The following PPFIA1 variants were observed in gnomAD, a reference collection of about 807,000 sequenced individuals.
PPFIA1 encodes liprin-alpha-1.
Under a neutral mutation model 149.9 loss-of-function variants are expected in PPFIA1, and 25 were observed. The ratio of observed to expected loss-of-function variants is 0.17; its 90% CI spans 0.12 to 0.23. The LOEUF is 0.23. Among genes scored for constraint, PPFIA1 ranks in the 10% least tolerant of loss-of-function variants. PPFIA1 has a pLI of 1.00. For synonymous variants in PPFIA1, 549 were observed against 552.8 expected, an observed-to-expected ratio of 0.99 and a Z score of 0.10; for missense variants, 1,362 against 1,506.5, an observed-to-expected ratio of 0.90 and a Z score of 1.59.
At chr11:70,305,722 T>C (rs921757674) in intron 2 of PPFIA1, among the ~76,000 whole-genome samples, 12 of 152,208 alleles carry the variant, frequency 7.9e-5, no homozygotes, top group African/African-American at 1.2e-4. Context: ...CACAGTTGAC[T>C]AATTTACATT....
At chr11:70,380,430 A>G (rs191434528) in intron 26 of PPFIA1, among the ~76,000 whole-genome samples, 80 of 151,240 alleles carry the variant, frequency 5.3e-4, no homozygotes, top group Non-Finnish European at 7.5e-4. Context: ...AAAAAAAATT[A>G]GCTGGGCACG....
rs188373035 is a variant in PPFIA1 at position 70,310,533 on chromosome 11, G to A, written c.265-13869G>A. ...CCCGAGTAGCTGGGACTACAGGTGC[G>A]CGCCACCACGCCCAGTTAATTTTGG... On this transcript the variant is annotated intron_variant, in intron 2 of 27. Transcript: ENST00000253925. Among the ~76,000 whole-genome samples the A allele has an allele frequency of 2.1e-3, 313 of 151,932 alleles. 1 individual carries two copies. Among genetic ancestry groups the A allele is most frequent in the African/African-American group, 7.0e-3 (290 of 41,446 alleles).
At chr11:70,325,607 G>A (rs774615111) in intron 5 of PPFIA1, 33 bp downstream of exon 5, 18 of 1,438,848 alleles carry the variant, frequency 1.3e-5, no homozygotes, top group Admixed American at 1.0e-4. Context: ...AGTTGAATTG[G>A]GGGGGGGTTA....
At chr11:70,278,524 C>T (rs1327023427) in intron 2 of PPFIA1, among the ~76,000 whole-genome samples, 2 of 152,064 alleles carry the variant, frequency 1.3e-5, no homozygotes, top group Admixed American at 1.3e-4. Context: ...CCTCTGGTTG[C>T]TTTTTATTTT....
Position 70,384,160 on chromosome 11 carries a change from A to ACTTTT in PPFIA1, c.*1170_*1171insCTTTT, listed in dbSNP as rs2057801544. 1 of 152,234 alleles carries ACTTTT rather than the reference A, an allele frequency of 6.6e-6. No individual in the cohort carries two copies. The highest frequency in any genetic ancestry group is 1.9e-4 in the East Asian group (1 of 5,204). The allele number at this position is 152,234 out of a possible 1,614,324, so 9.4% of individuals were successfully genotyped here. On this transcript the variant is annotated 3_prime_UTR_variant, in exon 28 of 28. Transcript: ENST00000253925. ...ACAAGCCAGCAAAGTGTGTCAGACC[A>ACTTTT]TGGCGTGGTATTTATTGTGCAGCAG...
At position 70,298,250 on chromosome 11, in the gene PPFIA1, T is replaced by A. The variant is rs528688749; in HGVS notation, c.264+25814T>A. 4.3e-4 allele frequency among the ~76,000 whole-genome samples: 66 copies of A among 152,320 alleles called. 1 individual carries two copies. In the South Asian group the frequency reaches 0.013, roughly 31 times the overall value. The stretch of plus-strand genomic sequence containing the variant: ...TCATAAACAAGAAATATTGCCTTTT[T>A]GGTTGTGTGTAGTGGGGTGCTGAGC... On this transcript the variant is annotated intron_variant, in intron 2 of 27. Transcript: ENST00000253925.
At chr11:70,376,716 C>A in intron 25 of PPFIA1, 116 bp downstream of exon 25, 1 of 909,898 alleles carries the variant, frequency 1.1e-6, no homozygotes, top group Non-Finnish European at 1.8e-6. Flanking sequence ...GCTAGGCAGT[C>A]TCTCTGGATG....
chr11:70,355,956 C>A, intron 18 of PPFIA1, 145 bp downstream of exon 18: 1 of 1,158,524 alleles, frequency 8.6e-7, no homozygotes, highest in Non-Finnish European at 1.2e-6. Flanking sequence ...AGCTAGAGAG[C>A]AGCAGTTTAT....
chr11:70,379,823 ATTAT>A (rs1229133336), intron 26 of PPFIA1, among the ~76,000 whole-genome samples: 8 of 152,186 alleles, frequency 5.3e-5, no homozygotes, highest in African/African-American at 1.9e-4. Context: ...AAAAAGCTGT[ATTAT>A]TTATTTATTG....
intron 2 of PPFIA1, among the ~76,000 whole-genome samples, chr11:70,305,911 A>AAT (rs1374645677): frequency 6.6e-6 from 1 of 152,236 alleles, no homozygotes; most frequent in African/African-American, 2.4e-5. Context: ...ACTGTTAGGT[A>AAT]ATAGGGTATT....
At chr11:70,308,224 T>G (rs1000929361) in intron 2 of PPFIA1, among the ~76,000 whole-genome samples, 2 of 152,200 alleles carry the variant, frequency 1.3e-5, no homozygotes, top group African/African-American at 4.8e-5. Flanking sequence ...AATTTTGTAT[T>G]TTTAGCAGAG....
At chr11:70,305,065 T>C (rs1223915711) in intron 2 of PPFIA1, among the ~76,000 whole-genome samples, 2 of 152,046 alleles carry the variant, frequency 1.3e-5, no homozygotes, top group East Asian at 3.9e-4. Context: ...TGGTGGCAGT[T>C]TGTGAGTGAC....
At chr11:70,341,518 G>A (rs1472202181) in intron 14 of PPFIA1, among the ~76,000 whole-genome samples, 1 of 152,186 alleles carries the variant, frequency 6.6e-6, no homozygotes, top group Non-Finnish European at 1.5e-5. Context: ...TTGAGCCAGG[G>A]CCATGTTCAG....
In PPFIA1 at chr11:70,378,164, C is replaced by G; in HGVS notation, c.3519C>G (p.Pro1173=). 1.2e-6 allele frequency: 2 copies of G among 1,614,150 alleles called. No individual in the cohort carries two copies. Among genetic ancestry groups the G allele is most frequent in the Non-Finnish European group, 1.7e-6 (2 of 1,180,024 alleles). ...NFRVTSSMSS[P]SMQPKKMQMD... The stretch of plus-strand genomic sequence containing the variant: ...GGGTGACTTCTTCTATGTCTTCCCC[C>G]TCTATGCAGCCAAAGAAGATGCAGA... The change falls in exon 26 of 28, where the codon CCC becomes CCG. Residue 1173 remains proline (P), a synonymous_variant. Transcript: ENST00000253925.
chr11:70,362,502 C>T lies in PPFIA1; in HGVS notation c.2865+14C>T. 1.3e-6 allele frequency: 2 copies of T among 1,573,252 alleles called. No individual in the cohort carries two copies. Among genetic ancestry groups the T allele is most frequent in the East Asian group, 2.3e-5 (1 of 44,440 alleles). Reference sequence around the variant, plus strand: ...ACATCTAGAACGGTACGTTCAGAGACAACCCCTGCATTCTTTGGAAACAGG... The same window carrying T: ...ACATCTAGAACGGTACGTTCAGAGATAACCCCTGCATTCTTTGGAAACAGG... On this transcript the variant is annotated intron_variant, in intron 21 of 27. Coordinates refer to ENST00000253925, the MANE Select transcript of PPFIA1 (RefSeq NM_003626.5).
At chr11:70,334,634 T>C (rs904312878) in intron 10 of PPFIA1, 2 of 152,254 alleles carry the variant, frequency 1.3e-5, no homozygotes, top group Non-Finnish European at 2.9e-5. Context: ...CCCTTTCAGG[T>C]AATGATAGTT....
rs549556211 is a variant in PPFIA1, at chr11:70,279,959, A to G, written c.264+7523A>G. ...GGTCTCGCTCTGTTGCCCAGGCTGT[A>G]GTGTAGTGGTGCAGTCTCAGCTCAC... On this transcript the variant is annotated intron_variant, in intron 2 of 27. Transcript: ENST00000253925. 4.6e-4 allele frequency among the ~76,000 whole-genome samples: 65 copies of G among 140,834 alleles called. 1 individual carries two copies. The South Asian group carries it at 0.013, about 29-fold the overall frequency. The allele number at this position is 140,834 out of a possible 152,430, so 92.4% of individuals were successfully genotyped here. A position where few individuals can be genotyped will look rare whatever the true frequency, so the allele number is the denominator to read the frequency against.
In PPFIA1 at chr11:70,338,424, G is replaced by A. The variant is rs773480881; in HGVS notation, c.1542G>A (p.Met514Ile). Residue 514 changes from methionine (M) to isoleucine (I), a missense_variant, in exon 13 of 28, where the codon ATG becomes ATA. Coordinates refer to ENST00000253925, the MANE Select transcript of PPFIA1 (RefSeq NM_003626.5). ...IEALRAELDHMRLRGASLHHG... is the reference protein window; with the variant it reads ...IEALRAELDHIRLRGASLHHG... ...CACTGAGGGCTGAACTAGACCACAT[G>A]AGACTAAGAGGTGCTTCACTTCATC... 3 of 1,613,148 alleles carry A rather than the reference G, an allele frequency of 1.9e-6. No individual in the cohort carries two copies. Among genetic ancestry groups the A allele is most frequent in the Non-Finnish European group, 2.5e-6 (3 of 1,179,108 alleles).
At chr11:70,319,806 AG>A (rs2053832266) in intron 2 of PPFIA1, 1 of 152,296 alleles carries the variant, frequency 6.6e-6, no homozygotes, top group Non-Finnish European at 1.5e-5. Context: ...GCCCTGCTGA[AG>A]CCCTTGCTTA....
Sources: allele counts gnomAD v4.1 joint callset (sites outside exome capture counted in the v4.1 genomes callset), GRCh38; gene constraint gnomAD v4.1.1; transcripts MANE v1.5; gene names NCBI Gene and HGNC (gene_info 2026-07-23, HGNC 2026-07-21).